Variants in SPATA6 observed in about 807,000 individuals in gnomAD.
The protein encoded by SPATA6 is spermatogenesis associated 6.
SPATA6 carries 56 observed loss-of-function variants against 65.3 expected under a neutral mutation model. That is an observed-to-expected ratio of 0.86 (90% CI 0.69 to 1.07). The LOEUF (loss-of-function observed/expected upper bound fraction) is 1.07. SPATA6 is among the 50% of genes least tolerant of loss of function. SPATA6 has a pLI of 0.00. For missense variants in SPATA6, 590 were observed against 594.8 expected (o/e 0.99, Z 0.08); for synonymous variants, 199 against 213.2 (o/e 0.93, Z 0.58).
chr1:48,340,509 TA>T (rs147800709), intron 11 of SPATA6, among the ~76,000 whole-genome samples: 3,949 of 150,966 alleles, frequency 0.026, 177 homozygotes, highest in African/African-American at 0.091. Context: ...AAAAAATTGG[TA>T]AAAAAAATTG....
chr1:48,281,045 A>T, the SPATA6 span, among the ~76,000 whole-genome samples: 1 of 152,166 alleles, frequency 6.6e-6, no homozygotes, highest in African/African-American at 2.4e-5. Context: ...AAATCAATAA[A>T]CATAATCCAG....
chr1:48,355,713 T>A lies in SPATA6; in HGVS notation c.1151A>T (p.Lys384Ile). 1.2e-6 allele frequency: 2 copies of A among 1,613,256 alleles called. No homozygotes were observed. Among genetic ancestry groups the A allele is most frequent in the East Asian group, 4.5e-5 (2 of 44,798 alleles). Residue 384 changes from lysine to isoleucine, a missense_variant, in exon 11 of 13, where the codon AAA becomes ATA. Transcript: ENST00000371847. Reference sequence around the variant, plus strand: ...AGCCTGATGTGATTTCAAGACATTTTTTACCCGGTCATGGATCTCATCGCA... The same window carrying A: ...AGCCTGATGTGATTTCAAGACATTTATTACCCGGTCATGGATCTCATCGCA... ...SNCDEIHDRV[K>I]NVLKSHQAHQ...
chr1:48,454,288 G>A (rs1338565230), intron 1 of SPATA6, among the ~76,000 whole-genome samples: 1 of 151,960 alleles, frequency 6.6e-6, no homozygotes, highest in African/African-American at 2.4e-5. Flanking sequence ...CACATTCAAA[G>A]TATATTTTTT....
chr1:48,371,771 G>C (rs554126635), intron 9 of SPATA6, among the ~76,000 whole-genome samples: 2 of 152,132 alleles, frequency 1.3e-5, no homozygotes, highest in East Asian at 1.9e-4. Flanking sequence ...GGTTTAATTA[G>C]ACTTACAGTT....
At chr1:48,356,569 A>T (rs1210706578) in intron 10 of SPATA6, among the ~76,000 whole-genome samples, 1 of 140,752 alleles carries the variant, frequency 7.1e-6, no homozygotes, top group Non-Finnish European at 1.5e-5. Context: ...GCTGGAGTGC[A>T]ATGGCGCGAC....
chr1:48,436,185 T>G, intron 3 of SPATA6: 1 of 1,611,680 alleles, frequency 6.2e-7, no homozygotes, highest in Non-Finnish European at 8.5e-7. Flanking sequence ...ACTTGACTTC[T>G]GTCCATCTTG....
intron 1 of SPATA6, 139 bp downstream of exon 1, chr1:48,471,819 C>A: frequency 1.0e-6 from 1 of 995,386 alleles, no homozygotes. Context: ...TGGGGCAGGA[C>A]CGAAGGGGCG....
chr1:48,422,357 GCAT>G (rs1653427585), intron 3 of SPATA6, among the ~76,000 whole-genome samples: 1 of 152,188 alleles, frequency 6.6e-6, no homozygotes. Context: ...CTCCCTAAGA[GCAT>G]CTGCTAATTC....
At chr1:48,287,352 T>C in the SPATA6 span, among the ~76,000 whole-genome samples, 3 of 152,132 alleles carry the variant, frequency 2.0e-5, no homozygotes, top group African/African-American at 4.8e-5. Flanking sequence ...ACTTCCAACA[T>C]TGGGGGTTAC....
chr1:48,416,073 C>A, intron 3 of SPATA6, among the ~76,000 whole-genome samples: 1 of 152,042 alleles, frequency 6.6e-6, no homozygotes, highest in South Asian at 2.1e-4. Flanking sequence ...CATGGTGGCA[C>A]GCACCTCTAG....
chr1:48,327,732 C>T (rs1645804629), intron 11 of SPATA6, among the ~76,000 whole-genome samples: 1 of 152,114 alleles, frequency 6.6e-6, no homozygotes, highest in Non-Finnish European at 1.5e-5. Flanking sequence ...TCAAATACTG[C>T]ATGTTCTCGT....
intron 1 of SPATA6, among the ~76,000 whole-genome samples, chr1:48,458,382 T>C (rs1657164793): frequency 6.6e-6 from 1 of 152,202 alleles, no homozygotes. Context: ...ACAACATGGA[T>C]GAACCTTAAA....
At chr1:48,334,327 A>T (rs112837294) in intron 11 of SPATA6, among the ~76,000 whole-genome samples, 1 of 151,794 alleles carries the variant, frequency 6.6e-6, no homozygotes, top group African/African-American at 2.4e-5. Flanking sequence ...GACACAACAA[A>T]AAAAAAAGAA....
At chr1:48,435,903 A>C in intron 3 of SPATA6, 1 of 1,495,588 alleles carries the variant, frequency 6.7e-7, no homozygotes, top group Non-Finnish European at 9.3e-7. Flanking sequence ...AAGGAAGATA[A>C]AACAAAAGCC....
At chr1:48,431,599 G>T (rs1654409543) in intron 3 of SPATA6, among the ~76,000 whole-genome samples, 1 of 151,946 alleles carries the variant, frequency 6.6e-6, no homozygotes, top group African/African-American at 2.4e-5. Context: ...AACCACAATG[G>T]GATAAGGATC....
the SPATA6 span, among the ~76,000 whole-genome samples, chr1:48,283,684 A>AG: frequency 1.5e-5 from 2 of 129,364 alleles, no homozygotes; most frequent in East Asian, 2.1e-4. Context: ...GTCTCAAAAA[A>AG]AAAAAAAAAA....
intron 6 of SPATA6, among the ~76,000 whole-genome samples, chr1:48,402,096 C>T (rs1190026506): frequency 6.6e-6 from 1 of 151,928 alleles, no homozygotes; most frequent in Non-Finnish European, 1.5e-5. Context: ...AATACTGACA[C>T]CAATGCCTTT....
chr1:48,315,160 C>T (rs992187845), intron 11 of SPATA6, among the ~76,000 whole-genome samples: 1 of 151,984 alleles, frequency 6.6e-6, no homozygotes, highest in Admixed American at 6.6e-5. Flanking sequence ...CCAATCAACA[C>T]AAAAAGAGGG....
chr1:48,317,006 A>C (rs555090745), intron 11 of SPATA6, among the ~76,000 whole-genome samples: 1 of 152,296 alleles, frequency 6.6e-6, no homozygotes, highest in East Asian at 1.9e-4. Context: ...TTAGAATGGC[A>C]ATCATTAAAA....
Sources: gnomAD v4.1 joint callset for allele counts (sites outside exome capture counted in the v4.1 genomes callset) on GRCh38, gnomAD v4.1.1 for gene constraint, MANE v1.5 for transcripts, NCBI Gene and HGNC (gene_info 2026-07-23, HGNC 2026-07-21) for gene names.